Variants in ACER3 observed in about 807,000 individuals in gnomAD.
ACER3 encodes the protein alkaline ceramidase 3.
A neutral mutation model predicts 48.9 loss-of-function variants in ACER3; 16 were observed. The ratio of observed to expected loss-of-function variants is 0.33; its 90% CI spans 0.22 to 0.50. ACER3 has a LOEUF of 0.50. Ranked by LOEUF, ACER3 falls within the 20% of genes least tolerant of loss-of-function variation. The pLI is 0.98. For synonymous variants in ACER3, 109 were observed against 107.8 expected (o/e 1.01, Z -0.07); for missense variants, 227 against 326.0 (o/e 0.70, Z 2.34).
intron 2 of ACER3, among the ~76,000 whole-genome samples, chr11:76,953,029 G>A (rs753474525): frequency 1.3e-5 from 2 of 152,062 alleles, no homozygotes; most frequent in Non-Finnish European, 2.9e-5. Flanking sequence ...ATTGAGCAAC[G>A]GAAAGAGTAA....
intron 2 of ACER3, among the ~76,000 whole-genome samples, chr11:76,945,203 A>C (rs919588744): frequency 6.6e-6 from 1 of 151,590 alleles, no homozygotes; most frequent in African/African-American, 2.4e-5. Context: ...TGAATTTTTT[A>C]TCTGGCATTA....
chr11:76,976,802 C>G (rs1323133879), intron 4 of ACER3, among the ~76,000 whole-genome samples: 1 of 152,090 alleles, frequency 6.6e-6, no homozygotes, highest in Non-Finnish European at 1.5e-5. Context: ...CTTTCTTATT[C>G]TAAGGTAGAC....
intron 1 of ACER3, among the ~76,000 whole-genome samples, chr11:76,913,068 T>C (rs1241621523): frequency 6.6e-6 from 1 of 152,228 alleles, no homozygotes; most frequent in Non-Finnish European, 1.5e-5. Context: ...GTAGTTCTCC[T>C]TGAAGAGGTC....
chr11:76,928,676 T>C (rs890027790), intron 2 of ACER3, among the ~76,000 whole-genome samples: 1 of 152,248 alleles, frequency 6.6e-6, no homozygotes, highest in Non-Finnish European at 1.5e-5. Context: ...GCTTTCTACA[T>C]ATGGCTAGCC....
chr11:77,014,745 T>C (rs782370865), intron 7 of ACER3, among the ~76,000 whole-genome samples: 3 of 152,300 alleles, frequency 2.0e-5, no homozygotes, highest in African/African-American at 4.8e-5. Context: ...CTGTTCCTTC[T>C]CATGAAAGTG....
rs796495101 is a variant in ACER3, at chr11:76,902,418, G to A, written c.104-24139G>A. Among the ~76,000 whole-genome samples the A allele has an allele frequency of 5.3e-5, 8 of 152,278 alleles. No homozygotes were observed. The East Asian group carries it at 1.5e-3, about 29-fold the overall frequency. ...GATAAAAAGGTATTTCACAAAAAGT[G>A]CAAAGTTTTTGCTCCTGCTGGCATA... On this transcript the variant is annotated intron_variant, in intron 1 of 10. Coordinates refer to ENST00000532485, the MANE Select transcript of ACER3 (RefSeq NM_018367.7).
chr11:76,931,894 T>G (rs1464358200), intron 2 of ACER3, among the ~76,000 whole-genome samples: 1 of 152,136 alleles, frequency 6.6e-6, no homozygotes, highest in East Asian at 1.9e-4. Flanking sequence ...TGACTGCCCT[T>G]AACATTTTTT....
intron 2 of ACER3, among the ~76,000 whole-genome samples, chr11:76,932,988 G>A (rs1400488003): frequency 1.3e-5 from 2 of 151,926 alleles, no homozygotes; most frequent in Non-Finnish European, 2.9e-5. Context: ...GACCAAAGGT[G>A]GCAGTTTTGG....
At chr11:76,898,139 A>G (rs555899956) in intron 1 of ACER3, among the ~76,000 whole-genome samples, 1 of 152,320 alleles carries the variant, frequency 6.6e-6, no homozygotes, top group Admixed American at 6.5e-5. Flanking sequence ...AAGTGTACCT[A>G]CCATTGCTTT....
chr11:77,000,932 CTAAATT>C (rs1191990397), intron 7 of ACER3, among the ~76,000 whole-genome samples: 1 of 151,940 alleles, frequency 6.6e-6, no homozygotes, highest in Non-Finnish European at 1.5e-5. Flanking sequence ...ATAATATTGT[CTAAATT>C]TAAAATCTTG....
At chr11:76,893,542 G>A (rs1945859409) in intron 1 of ACER3, among the ~76,000 whole-genome samples, 1 of 152,130 alleles carries the variant, frequency 6.6e-6, no homozygotes, top group South Asian at 2.1e-4. Context: ...CTCATAGGGT[G>A]GATGTAGTAG....
At chr11:76,936,287 A>G (rs537096390) in intron 2 of ACER3, among the ~76,000 whole-genome samples, 1 of 152,380 alleles carries the variant, frequency 6.6e-6, no homozygotes, top group African/African-American at 2.4e-5. Context: ...GGGGTTTAGT[A>G]TTAATAAAGA....
chr11:76,972,520 A>G (rs775037228), intron 3 of ACER3, among the ~76,000 whole-genome samples: 1 of 152,010 alleles, frequency 6.6e-6, no homozygotes, highest in Non-Finnish European at 1.5e-5. Context: ...ATTTGCAAAT[A>G]TTTTCTTCTG....
chr11:76,979,840 TA>T (rs11373313), intron 4 of ACER3, among the ~76,000 whole-genome samples: 2 of 150,106 alleles, frequency 1.3e-5, no homozygotes, highest in South Asian at 2.1e-4. Flanking sequence ...AACATTTTAT[TA>T]AAAAAAAAAC....
intron 4 of ACER3, among the ~76,000 whole-genome samples, chr11:76,976,591 C>T (rs11237046): frequency 0.059 from 8,974 of 152,128 alleles, 279 homozygotes; most frequent in Middle Eastern, 0.13. Context: ...CATAATTTTC[C>T]TTTCCCAAGT....
At chr11:76,928,671 C>G (rs1946903710) in intron 2 of ACER3, among the ~76,000 whole-genome samples, 1 of 152,184 alleles carries the variant, frequency 6.6e-6, no homozygotes, top group Non-Finnish European at 1.5e-5. Flanking sequence ...TTTCAGCTTT[C>G]TACATATGGC....
intron 2 of ACER3, among the ~76,000 whole-genome samples, chr11:76,945,609 T>C (rs1947452051): frequency 6.6e-6 from 1 of 152,120 alleles, no homozygotes; most frequent in African/African-American, 2.4e-5. Context: ...AAGTAGGCTG[T>C]GTGTCAGTTT....
chr11:77,008,189 T>C lies in ACER3; in HGVS notation c.498-6827T>C, dbSNP rs371479184. Among the ~76,000 whole-genome samples, 7 of 152,348 alleles carry C rather than the reference T, an allele frequency of 4.6e-5. No homozygotes were observed. In the East Asian group the frequency reaches 9.6e-4, roughly 21 times the overall value. ...TCAGGGTCTTCTTATGTTTGTCTTA[T>C]ATATAATGCCCAGCAGTTTTAGTTT... On this transcript the variant is annotated intron_variant, in intron 7 of 10. Coordinates refer to ENST00000532485, the MANE Select transcript of ACER3 (RefSeq NM_018367.7).
At position 77,023,032 on chromosome 11, in the gene ACER3, G is replaced by T; in HGVS notation, c.*2705G>T. 2.5e-6 allele frequency: 1 copy of T among 398,324 alleles called. No individual in the cohort carries two copies. The highest frequency in any genetic ancestry group is 1.3e-4 in the South Asian group (1 of 7,756). The allele number at this position is 398,324 out of a possible 1,614,324, so 24.7% of individuals were successfully genotyped here. A position where few individuals can be genotyped will look rare whatever the true frequency, so the allele number is the denominator to read the frequency against. ...TTGTTTTTCTAAAGAACAGCTAGGT[G>T]AAAGGAGGTTAAGCTGATTGTCACT... On this transcript the variant is annotated 3_prime_UTR_variant, in exon 11 of 11. Transcript: ENST00000532485.
Sources: allele counts gnomAD v4.1 joint callset (sites outside exome capture counted in the v4.1 genomes callset), GRCh38; gene constraint gnomAD v4.1.1; transcripts MANE v1.5; gene names NCBI Gene and HGNC (gene_info 2026-07-23, HGNC 2026-07-21).